The following DYM variants were observed in gnomAD, a reference collection of about 807,000 sequenced individuals.
The protein encoded by DYM is dyggve-Melchior-Clausen syndrome protein.
A neutral mutation model predicts 93.1 loss-of-function variants in DYM; 78 were observed. The ratio of observed to expected loss-of-function variants is 0.84; its 90% CI spans 0.70 to 1.01. The LOEUF is 1.01. Among genes scored for constraint, DYM ranks in the 50% least tolerant of loss-of-function variants. The probability of loss-of-function intolerance (pLI) is 0.00; values close to 1 mark genes in which losing one functional copy is unlikely to be tolerated. For synonymous variants in DYM, 321 were observed against 319.7 expected, an observed-to-expected ratio of 1.00 and a Z score of -0.04; for missense variants, 789 against 845.0, an observed-to-expected ratio of 0.93 and a Z score of 0.82.
At chr18:49,279,357 C>A (rs1254158692) in intron 10 of DYM, among the ~76,000 whole-genome samples, 1 of 152,084 alleles carries the variant, frequency 6.6e-6, no homozygotes, top group Non-Finnish European at 1.5e-5. Flanking sequence ...TCAAAGACTG[C>A]AGAATAAAAG....
chr18:49,160,353 C>T (rs1429463487), intron 15 of DYM, among the ~76,000 whole-genome samples: 3 of 152,024 alleles, frequency 2.0e-5, no homozygotes, highest in Non-Finnish European at 4.4e-5. Flanking sequence ...TTGGAACTTG[C>T]GATTAGCTTT....
At chr18:49,342,261 T>A (rs2064222822) in intron 6 of DYM, among the ~76,000 whole-genome samples, 1 of 152,198 alleles carries the variant, frequency 6.6e-6, no homozygotes, top group Non-Finnish European at 1.5e-5. Flanking sequence ...GCAAGGACTT[T>A]GAGTGACTCC....
At chr18:49,163,260 C>T (rs1431819326) in intron 15 of DYM, among the ~76,000 whole-genome samples, 1 of 152,106 alleles carries the variant, frequency 6.6e-6, no homozygotes, top group Non-Finnish European at 1.5e-5. Context: ...TTAGAGGTTT[C>T]TTGGGCAGCA....
intron 2 of DYM, among the ~76,000 whole-genome samples, chr18:49,424,512 C>T (rs1351783993): frequency 6.6e-6 from 1 of 152,024 alleles, no homozygotes; most frequent in Non-Finnish European, 1.5e-5. Context: ...TCTCTCACCA[C>T]TCCTGTTCAA....
At chr18:49,190,706 G>A (rs1314003081) in intron 14 of DYM, among the ~76,000 whole-genome samples, 1 of 152,132 alleles carries the variant, frequency 6.6e-6, no homozygotes, top group Non-Finnish European at 1.5e-5. Context: ...GAACAACACA[G>A]GGTTGAACTG....
chr18:49,455,137 A>G (rs1448236685), intron 1 of DYM, among the ~76,000 whole-genome samples: 7 of 152,202 alleles, frequency 4.6e-5, no homozygotes, highest in Admixed American at 4.6e-4. Context: ...TACTCCGCAC[A>G]TAGTAACCGT....
chr18:49,335,184 C>T (rs758430780), intron 6 of DYM, among the ~76,000 whole-genome samples: 24 of 152,150 alleles, frequency 1.6e-4, no homozygotes, highest in Non-Finnish European at 4.4e-5. Context: ...AAGAGACCCA[C>T]GCAATTAGCC....
intron 17 of DYM, among the ~76,000 whole-genome samples, chr18:49,096,862 T>G (rs2079592553): frequency 6.6e-6 from 1 of 152,220 alleles, no homozygotes; most frequent in Admixed American, 6.5e-5. Context: ...ATAGACTTCC[T>G]GGGTTTCAAT....
At chr18:49,213,521 G>T (rs1325690849) in intron 13 of DYM, among the ~76,000 whole-genome samples, 3 of 151,988 alleles carry the variant, frequency 2.0e-5, no homozygotes, top group Admixed American at 6.6e-5. Flanking sequence ...TCCCCATATT[G>T]GTCAAGCTGG....
In DYM at chr18:49,042,054, A is replaced by C. The variant is rs558666570; in HGVS notation, c.*2001T>G. ...AATTAAAGTTGCAAATTATTTCCCC[A>C]CATAGTAAATACATATCCTTGCTAC... On this transcript the variant is annotated 3_prime_UTR_variant, in exon 18 of 18. Coordinates refer to ENST00000675505, the MANE Select transcript of DYM (RefSeq NM_001353214.3). 6.6e-6 allele frequency: 1 copy of C among 152,468 alleles called. No individual in the cohort carries two copies. The highest frequency in any genetic ancestry group is 2.4e-5 in the African/African-American group (1 of 41,582). 9.4% of individuals were successfully genotyped at this position (152,468 alleles called of 1,614,324 possible).
intron 10 of DYM, among the ~76,000 whole-genome samples, chr18:49,280,476 G>A (rs3794823): frequency 0.092 from 14,004 of 152,130 alleles, 797 homozygotes; most frequent in East Asian, 0.26. Flanking sequence ...TGAACTTGGT[G>A]GGCGGGTACT....
Position 49,040,326 on chromosome 18 carries a change from A to C in DYM, c.*3729T>G, listed in dbSNP as rs779364656. 3.3e-5 allele frequency among the ~76,000 whole-genome samples: 5 copies of C among 152,182 alleles called. No individual in the cohort carries two copies. The highest frequency in any genetic ancestry group is 7.3e-5 in the Non-Finnish European group (5 of 68,036). On this transcript the variant is annotated 3_prime_UTR_variant, in exon 18 of 18. Transcript: ENST00000675505. ...AGCTGACATTTAGACAGCCTTGTGA[A>C]GTTAGATTAGGGGTTGAGTATGACC...
intron 17 of DYM, among the ~76,000 whole-genome samples, chr18:49,086,962 C>T (rs1038803368): frequency 9.3e-5 from 14 of 151,220 alleles, no homozygotes; most frequent in East Asian, 3.9e-4. Context: ...CACTCTAGCC[C>T]GGGTAACAGA....
chr18:49,045,998 A>G (rs555977596), intron 17 of DYM, among the ~76,000 whole-genome samples: 2 of 152,214 alleles, frequency 1.3e-5, no homozygotes, highest in South Asian at 4.1e-4. Flanking sequence ...GAAGGGGGAA[A>G]CAGGCCTGAA....
In DYM at chr18:49,037,016, C is replaced by G. The variant is rs770186467; in HGVS notation, c.*7039G>C. On this transcript the variant is annotated 3_prime_UTR_variant, in exon 18 of 18. Coordinates refer to ENST00000675505, the MANE Select transcript of DYM (RefSeq NM_001353214.3). Reference sequence around the variant, plus strand: ...TCCCAGGTTCAAGCAATTCTCTTGCCTCAGCCTCCTGCGTAGCTGGGACTA... The same window carrying G: ...TCCCAGGTTCAAGCAATTCTCTTGCGTCAGCCTCCTGCGTAGCTGGGACTA... Among the ~76,000 whole-genome samples, 1 of 152,170 alleles carries G rather than the reference C, an allele frequency of 6.6e-6. No individual in the cohort carries two copies. Among genetic ancestry groups the G allele is most frequent in the Non-Finnish European group, 1.5e-5 (1 of 68,038 alleles).
chr18:49,114,629 A>G, intron 16 of DYM: 1 of 950,764 alleles, frequency 1.1e-6, no homozygotes. Context: ...ATTAAAAAAA[A>G]TTAATATGGT....
intron 14 of DYM, among the ~76,000 whole-genome samples, chr18:49,180,106 G>C (rs988973491): frequency 6.6e-6 from 1 of 152,048 alleles, no homozygotes; most frequent in South Asian, 2.1e-4. Flanking sequence ...ATGCTAGTTA[G>C]ATAGAAACAA....
intron 17 of DYM, among the ~76,000 whole-genome samples, chr18:49,045,369 G>A (rs925221864): frequency 1.3e-5 from 2 of 152,250 alleles, no homozygotes; most frequent in Admixed American, 1.3e-4. Context: ...AAACTGATGA[G>A]TGAATGAATC....
At chr18:49,074,221 G>C (rs1434985036) in intron 17 of DYM, among the ~76,000 whole-genome samples, 1 of 152,188 alleles carries the variant, frequency 6.6e-6, no homozygotes, top group Non-Finnish European at 1.5e-5. Context: ...AAGGATAGTT[G>C]CATCTGCACT....
Sources: gnomAD v4.1 joint callset for allele counts (sites outside exome capture counted in the v4.1 genomes callset) on GRCh38, gnomAD v4.1.1 for gene constraint, MANE v1.5 for transcripts, NCBI Gene and HGNC (gene_info 2026-07-23, HGNC 2026-07-21) for gene names.